Variants in FGF2 observed in about 807,000 individuals in gnomAD.
FGF2 encodes the protein basic fibroblast growth factor bFGF.
A neutral mutation model predicts 15.9 loss-of-function variants in FGF2; 13 were observed. That is an observed-to-expected ratio of 0.82 (90% CI 0.53 to 1.30). FGF2 has a LOEUF of 1.30. Among genes scored for constraint, FGF2 ranks in the 50% most tolerant of loss-of-function variants. The pLI is 0.00. For synonymous variants in FGF2, 90 were observed against 78.4 expected (o/e 1.15, Z -0.78); for missense variants, 163 against 196.9 (o/e 0.83, Z 1.03).
rs776111016 is a variant in FGF2 at position 122,827,865 on chromosome 4, T to A, written c.178+513T>A. On this transcript the variant is annotated intron_variant, in intron 1 of 2. Coordinates refer to ENST00000644866, the MANE Select transcript of FGF2 (RefSeq NM_001361665.2). The surrounding 1 kb of genome is among the most constrained non-coding windows in gnomAD (Gnocchi z 4.2). Reference sequence around the variant, plus strand: ...CTACTCTCACCCACTCTGTTTTATATTTTTCCGAATTGACGAAAGCTGAAA... The same window carrying A: ...CTACTCTCACCCACTCTGTTTTATAATTTTCCGAATTGACGAAAGCTGAAA... 2.0e-5 allele frequency among the ~76,000 whole-genome samples: 3 copies of A among 152,208 alleles called. No homozygotes were observed. The highest frequency in any genetic ancestry group is 4.4e-5 in the Non-Finnish European group (3 of 68,040).
Position 122,827,367 on chromosome 4 carries a change from GCT to G in FGF2, c.178+21_178+22del. ...CGACCCTCACAGTGAGTGCCGACCC[GCT>G]CTCTCCGCCTCATTTCCATTTCGTG... On this transcript the variant is annotated intron_variant, in intron 1 of 2. Transcript: ENST00000644866. The surrounding 1 kb of genome is among the most constrained non-coding windows in gnomAD (Gnocchi z 4.2). 2 of 1,612,176 alleles carry G rather than the reference GCT, an allele frequency of 1.2e-6. No homozygotes were observed. The highest frequency in any genetic ancestry group is 1.7e-6 in the Non-Finnish European group (2 of 1,179,540).
At chr4:122,881,813 C>A (rs56387525) in intron 2 of FGF2, 3,333 of 156,700 alleles carry the variant, frequency 0.021, 60 homozygotes, top group Non-Finnish European at 0.035. Flanking sequence ...ATTCCTAGTA[C>A]CAATTTACTG....
intron 1 of FGF2, among the ~76,000 whole-genome samples, chr4:122,874,458 A>G (rs1157652967): frequency 6.6e-6 from 1 of 152,348 alleles, no homozygotes; most frequent in East Asian, 1.9e-4. Context: ...ACTGACACAC[A>G]GAGGTGACTC....
At chr4:122,865,271 GT>G (rs1036833297) in intron 1 of FGF2, among the ~76,000 whole-genome samples, 3 of 144,768 alleles carry the variant, frequency 2.1e-5, no homozygotes, top group African/African-American at 7.4e-5. Context: ...TATTTTCTCT[GT>G]TTTTTTTTGT....
At position 122,892,441 on chromosome 4, in the gene FGF2, A is replaced by C. The variant is rs773898530; in HGVS notation, c.*45A>C. On this transcript the variant is annotated 3_prime_UTR_variant, in exon 3 of 3. Transcript: ENST00000644866. ...TCTCATTTCACATGAAAGAAGAAGT[A>C]TATTTTAGAAATTTGTTAATGAGAG... The C allele has an allele frequency of 6.2e-7, 1 of 1,611,290 alleles. No individual in the cohort carries two copies. Among genetic ancestry groups the C allele is most frequent in the South Asian group, 1.1e-5 (1 of 90,902 alleles).
chr4:122,827,214 G>A lies in FGF2; in HGVS notation c.40G>A (p.Glu14Lys). The A allele has an allele frequency of 1.9e-6, 3 of 1,609,982 alleles. No individual in the cohort carries two copies. The highest frequency in any genetic ancestry group is 2.5e-6 in the Non-Finnish European group (3 of 1,178,998). ...GSITTLPALPEDGGSGAFPPG... is the reference protein window; with the variant it reads ...GSITTLPALPKDGGSGAFPPG... ...CATCACCACGCTGCCCGCCTTGCCC[G>A]AGGATGGCGGCAGCGGCGCCTTCCC... The change falls in exon 1 of 3, where the codon GAG becomes AAG. Residue 14 changes from glutamate (E) to lysine (K), a missense_variant. Glu to Lys is a moderately conservative substitution (Grantham distance 56, BLOSUM62 1). Coordinates refer to ENST00000644866, the MANE Select transcript of FGF2 (RefSeq NM_001361665.2). This position sits in a 1 kb window ranked among gnomAD's most constrained non-coding sequence, Gnocchi z 4.2.
intron 1 of FGF2, among the ~76,000 whole-genome samples, chr4:122,841,699 T>G (rs1333024348): frequency 6.6e-6 from 1 of 152,202 alleles, no homozygotes; most frequent in Non-Finnish European, 1.5e-5. Flanking sequence ...CTTCAGATGA[T>G]TATGCTAAAC....
At chr4:122,854,417 C>G (rs1006061962) in intron 1 of FGF2, among the ~76,000 whole-genome samples, 2 of 152,180 alleles carry the variant, frequency 1.3e-5, no homozygotes, top group Non-Finnish European at 2.9e-5. Context: ...AGGCTTTTAA[C>G]AACAATTTCA....
At chr4:122,835,732 A>C (rs1444731326) in intron 1 of FGF2, among the ~76,000 whole-genome samples, 1 of 152,092 alleles carries the variant, frequency 6.6e-6, no homozygotes, top group Non-Finnish European at 1.5e-5. Flanking sequence ...ACTCTCCTGC[A>C]ATTTTAAGCA....
intron 1 of FGF2, among the ~76,000 whole-genome samples, chr4:122,831,452 T>A (rs1174104355): frequency 6.6e-6 from 1 of 152,200 alleles, no homozygotes; most frequent in Admixed American, 6.5e-5. Context: ...ACCATTGATT[T>A]AATAATACAC....
Position 122,827,482 on chromosome 4 carries a change from G to A in FGF2, c.178+130G>A. 5 of 1,061,286 alleles carry A rather than the reference G, an allele frequency of 4.7e-6. No individual in the cohort carries two copies. The highest frequency in any genetic ancestry group is 1.6e-5 in the African/African-American group (1 of 63,920). 65.7% of individuals were successfully genotyped at this position (1,061,286 alleles called of 1,614,324 possible). On this transcript the variant is annotated intron_variant, in intron 1 of 2. Coordinates refer to ENST00000644866, the MANE Select transcript of FGF2 (RefSeq NM_001361665.2). The surrounding 1 kb of genome is among the most constrained non-coding windows in gnomAD (Gnocchi z 4.2). Reference sequence around the variant, plus strand: ...AGCGCTCCGTGTGGTTTCTGGCCGCGCGGCCCTCGGCGGTTTCGGGTTCAC... The same window carrying A: ...AGCGCTCCGTGTGGTTTCTGGCCGCACGGCCCTCGGCGGTTTCGGGTTCAC...
At chr4:122,881,212 T>A (rs1320131672) in intron 2 of FGF2, among the ~76,000 whole-genome samples, 1 of 152,190 alleles carries the variant, frequency 6.6e-6, no homozygotes, top group Non-Finnish European at 1.5e-5. Context: ...GAAGGACTGC[T>A]GCAAAGGTCT....
chr4:122,892,235 T>G lies in FGF2; in HGVS notation c.307T>G (p.Phe103Val). ...GAAATGTGTTACGGATGAGTGTTTC[T>G]TTTTTGAACGATTGGAATCTAATAA... ...ASKCVTDECF[F>V]FERLESNNYN... is the part of the protein sequence containing the mutation. Residue 103 changes from phenylalanine (F) to valine (V), a missense_variant, in exon 3 of 3, where the codon TTT becomes GTT. Phe to Val is a conservative substitution (Grantham distance 50, BLOSUM62 -1). Coordinates refer to ENST00000644866, the MANE Select transcript of FGF2 (RefSeq NM_001361665.2). 1 of 1,613,188 alleles carries G rather than the reference T, an allele frequency of 6.2e-7. No individual in the cohort carries two copies. Among genetic ancestry groups the G allele is most frequent in the Non-Finnish European group, 8.5e-7 (1 of 1,179,106 alleles).
At chr4:122,865,282 T>C (rs1726550503) in intron 1 of FGF2, among the ~76,000 whole-genome samples, 1 of 109,910 alleles carries the variant, frequency 9.1e-6, no homozygotes. Context: ...TTTTTTTTTG[T>C]TTGTTTGTTT....
intron 1 of FGF2, among the ~76,000 whole-genome samples, chr4:122,862,515 G>A (rs1726493417): frequency 6.6e-6 from 1 of 152,168 alleles, no homozygotes; most frequent in Non-Finnish European, 1.5e-5. Context: ...CCAATGATCT[G>A]AACACTTGAA....
chr4:122,831,144 C>T (rs1360761339), intron 1 of FGF2, among the ~76,000 whole-genome samples: 3 of 152,214 alleles, frequency 2.0e-5, no homozygotes, highest in African/African-American at 7.2e-5. Context: ...TCAGAAAAGT[C>T]ACCAATTACT....
intron 1 of FGF2, among the ~76,000 whole-genome samples, chr4:122,868,757 C>T (rs1052650406): frequency 6.6e-6 from 1 of 152,224 alleles, no homozygotes; most frequent in African/African-American, 2.4e-5. Context: ...GTTTCTATTT[C>T]TCCACAGCCT....
intron 1 of FGF2, among the ~76,000 whole-genome samples, chr4:122,871,992 T>A (rs1726747329): frequency 6.6e-6 from 1 of 152,024 alleles, no homozygotes; most frequent in Non-Finnish European, 1.5e-5. Context: ...TGTCTCTCCA[T>A]CAAGGGTGCA....
rs1307313577 is a variant in FGF2 at position 122,896,836 on chromosome 4, A to C, written c.*4440A>C. 6.6e-6 allele frequency: 1 copy of C among 152,210 alleles called. No homozygotes were observed. Among genetic ancestry groups the C allele is most frequent in the Non-Finnish European group, 1.5e-5 (1 of 68,024 alleles). 9.4% of individuals were successfully genotyped at this position (152,210 alleles called of 1,614,324 possible). A position where few individuals can be genotyped will look rare whatever the true frequency, so the allele number is the denominator to read the frequency against. ...TTAATATCATTGTTGGCTAAATAGAATAGGGGACATGCATATTAAGGAAAA... is the reference window on the plus strand; with the variant it reads ...TTAATATCATTGTTGGCTAAATAGACTAGGGGACATGCATATTAAGGAAAA... On this transcript the variant is annotated 3_prime_UTR_variant, in exon 3 of 3. Coordinates refer to ENST00000644866, the MANE Select transcript of FGF2 (RefSeq NM_001361665.2).
Sources: allele counts gnomAD v4.1 joint callset (sites outside exome capture counted in the v4.1 genomes callset), GRCh38; gene constraint gnomAD v4.1.1; non-coding constraint Gnocchi (gnomAD v3.1); transcripts MANE v1.5; gene names NCBI Gene and HGNC (gene_info 2026-07-23, HGNC 2026-07-21).